The following AGBL4 variants were observed in gnomAD, a reference collection of about 807,000 sequenced individuals.
AGBL4 encodes cytosolic carboxypeptidase 6.
In AGBL4, 58 loss-of-function variants were observed where a neutral mutation model predicts 66.4. That is an observed-to-expected ratio of 0.87 (90% CI 0.71 to 1.09). The LOEUF (loss-of-function observed/expected upper bound fraction) is 1.09. AGBL4 is among the 50% of genes least tolerant of loss of function. The pLI is 0.00. For synonymous variants in AGBL4, 234 were observed against 222.9 expected (o/e 1.05, Z -0.44); for missense variants, 579 against 631.0 (o/e 0.92, Z 0.88).
intron 11 of AGBL4, among the ~76,000 whole-genome samples, chr1:48,560,434 T>C (rs1435353029): frequency 6.6e-6 from 1 of 152,142 alleles, no homozygotes; most frequent in Non-Finnish European, 1.5e-5. Context: ...CTGGTGAGTC[T>C]TGTGAGGTTA....
At chr1:48,870,476 G>T (rs984662375) in intron 5 of AGBL4, among the ~76,000 whole-genome samples, 3 of 152,156 alleles carry the variant, frequency 2.0e-5, no homozygotes, top group Non-Finnish European at 4.4e-5. Context: ...CAACTATGCT[G>T]TTATGCCTCT....
intron 3 of AGBL4, among the ~76,000 whole-genome samples, chr1:49,287,536 A>T (rs1644442730): frequency 6.6e-6 from 1 of 151,922 alleles, no homozygotes; most frequent in Admixed American, 6.6e-5. Context: ...AAACAACCCC[A>T]TCAAAAAGTG....
At position 49,825,016 on chromosome 1, in the gene AGBL4, C is replaced by CT. The variant is rs539036512; in HGVS notation, c.157+26379dup. Among the ~76,000 whole-genome samples the CT allele has an allele frequency of 2.9e-3, 444 of 152,248 alleles. 4 individuals are homozygous for CT. The highest frequency in any genetic ancestry group is 0.016 in the South Asian group (79 of 4,818). ...TTTCTCCACTCATAATAGAGCCTCT[C>CT]TTATTTGCTCTGCCAGTAAGTAACC... On this transcript the variant is annotated intron_variant, in intron 2 of 13. Transcript: ENST00000371839.
At chr1:49,250,179 G>A (rs1354576542) in intron 3 of AGBL4, among the ~76,000 whole-genome samples, 2 of 152,246 alleles carry the variant, frequency 1.3e-5, no homozygotes, top group Admixed American at 1.3e-4. Context: ...TATAGTTAAT[G>A]ACAATTTATT....
At chr1:49,105,749 G>A (rs1032448570) in intron 4 of AGBL4, among the ~76,000 whole-genome samples, 3 of 152,166 alleles carry the variant, frequency 2.0e-5, no homozygotes, top group Admixed American at 1.3e-4. Flanking sequence ...TACCTCATAA[G>A]AGTACCTAAT....
At chr1:50,002,464 G>C (rs1410633113) in intron 1 of AGBL4, among the ~76,000 whole-genome samples, 1 of 146,108 alleles carries the variant, frequency 6.8e-6, no homozygotes, top group East Asian at 2.0e-4. Context: ...CCGCCTCCCG[G>C]GTTCACGCCA....
intron 5 of AGBL4, among the ~76,000 whole-genome samples, chr1:48,927,249 T>G (rs893646543): frequency 2.0e-5 from 3 of 152,132 alleles, no homozygotes; most frequent in Admixed American, 2.0e-4. Flanking sequence ...TCCACGTGGC[T>G]GGGGAGGCCT....
chr1:49,030,468 G>T (rs988395512), intron 5 of AGBL4, among the ~76,000 whole-genome samples: 1 of 152,070 alleles, frequency 6.6e-6, no homozygotes. Flanking sequence ...CTGGTCCCTG[G>T]TATGTTAGGA....
intron 2 of AGBL4, among the ~76,000 whole-genome samples, chr1:49,785,616 A>G (rs1644434050): frequency 6.6e-6 from 1 of 151,978 alleles, no homozygotes; most frequent in Non-Finnish European, 1.5e-5. Flanking sequence ...GAAAACATAT[A>G]CAATGGGATT....
At chr1:49,780,507 T>A (rs1262385867) in intron 2 of AGBL4, among the ~76,000 whole-genome samples, 1 of 152,196 alleles carries the variant, frequency 6.6e-6, no homozygotes, top group Middle Eastern at 3.4e-3. Context: ...TTAAAATACA[T>A]AGAATTACAT....
At chr1:49,667,817 C>T (rs774494405) in intron 3 of AGBL4, among the ~76,000 whole-genome samples, 158 of 152,178 alleles carry the variant, frequency 1.0e-3, no homozygotes, top group Non-Finnish European at 7.8e-4. Context: ...TGAGATTAAA[C>T]AAAAGAAGAG....
chr1:48,739,907 A>G (rs1040558674), intron 6 of AGBL4, among the ~76,000 whole-genome samples: 2 of 152,186 alleles, frequency 1.3e-5, no homozygotes, highest in Non-Finnish European at 2.9e-5. Flanking sequence ...TCCTTTATGA[A>G]TTTCTAGCTC....
At chr1:48,542,602 G>C (rs940101432) in intron 11 of AGBL4, among the ~76,000 whole-genome samples, 1 of 152,202 alleles carries the variant, frequency 6.6e-6, no homozygotes, top group Non-Finnish European at 1.5e-5. Context: ...GTGATGATGA[G>C]CTTTTTTTCA....
chr1:49,248,165 T>G (rs550371640), intron 3 of AGBL4, among the ~76,000 whole-genome samples: 103 of 152,162 alleles, frequency 6.8e-4, no homozygotes, highest in Non-Finnish European at 8.8e-4. Flanking sequence ...TTACTCAAAA[T>G]GAATAAGAAG....
intron 3 of AGBL4, among the ~76,000 whole-genome samples, chr1:49,247,947 C>A (rs1651774076): frequency 6.6e-6 from 1 of 152,120 alleles, no homozygotes; most frequent in African/African-American, 2.4e-5. Context: ...GGACTTAAAT[C>A]TTAGGTGTTT....
chr1:49,244,604 T>C (rs1026813727), intron 4 of AGBL4, among the ~76,000 whole-genome samples: 5 of 151,862 alleles, frequency 3.3e-5, no homozygotes, highest in South Asian at 2.1e-4. Context: ...TAGTTTGCTA[T>C]AAATATAGAC....
intron 2 of AGBL4, among the ~76,000 whole-genome samples, chr1:49,700,287 T>C (rs940116360): frequency 5.6e-5 from 8 of 142,626 alleles, no homozygotes; most frequent in Admixed American, 1.5e-4. Context: ...CAAGAACATA[T>C]AAAAACATTA....
At chr1:49,611,598 C>T (rs1265598401) in intron 3 of AGBL4, among the ~76,000 whole-genome samples, 18 of 151,904 alleles carry the variant, frequency 1.2e-4, no homozygotes, top group South Asian at 6.2e-4. Context: ...AGGATGGTCT[C>T]GATCTCCTGA....
At chr1:49,620,910 T>A (rs1645347979) in intron 3 of AGBL4, among the ~76,000 whole-genome samples, 1 of 152,224 alleles carries the variant, frequency 6.6e-6, no homozygotes, top group East Asian at 1.9e-4. Context: ...TGTATCAGAG[T>A]TATAGCATTA....
Sources: gnomAD v4.1 joint callset for allele counts (sites outside exome capture counted in the v4.1 genomes callset) on GRCh38, gnomAD v4.1.1 for gene constraint, MANE v1.5 for transcripts, NCBI Gene and HGNC (gene_info 2026-07-23, HGNC 2026-07-21) for gene names.